GALK2: variants seen among roughly 807,000 people sequenced by gnomAD.
GALK2 encodes N-acetylgalactosamine kinase.
GALK2 carries 36 observed loss-of-function variants against 52.4 expected under a neutral mutation model. The observed-to-expected ratio is 0.69, with a 90% CI of 0.53 to 0.91. The LOEUF is 0.91. GALK2 is among the 40% of genes least tolerant of loss of function. The pLI is 0.00. For missense variants in GALK2, 579 were observed against 559.1 expected, an observed-to-expected ratio of 1.04 and a Z score of -0.36; for synonymous variants, 176 against 199.1, an observed-to-expected ratio of 0.88 and a Z score of 0.98.
At chr15:49,332,007 C>T (rs1297524936), downstream of GALK2, 27 of 599,394 alleles carry the variant, frequency 4.5e-5, no homozygotes, top group East Asian at 7.4e-4. Context: ...GAAGTAGGTA[C>T]TCCTATTATC....
intron 3 of GALK2, among the ~76,000 whole-genome samples, chr15:49,345,728 G>A (rs184290376): frequency 6.6e-6 from 1 of 152,304 alleles, no homozygotes; most frequent in African/African-American, 2.4e-5. Context: ...AACAGTGGTT[G>A]GGATGTAACA....
intron 1 of GALK2, among the ~76,000 whole-genome samples, chr15:49,179,751 C>G (rs1472700775): frequency 6.6e-6 from 1 of 150,382 alleles, no homozygotes; most frequent in African/African-American, 2.5e-5. Context: ...CCCCATTTAA[C>G]AGTATGATCT....
rs116754566 is a variant in GALK2, at chr15:49,199,394, G to A, written c.54-1768G>A. Among the ~76,000 whole-genome samples, 411 of 152,174 alleles carry A rather than the reference G, an allele frequency of 2.7e-3. 4 individuals carry two copies. The highest frequency in any genetic ancestry group is 9.7e-3 in the African/African-American group (401 of 41,504). On this transcript the variant is annotated intron_variant, in intron 1 of 9. Transcript: ENST00000560031. ...TTGTTTTGTTTTTTGAGGATGTATA[G>A]AGAAAGATTTAGGCAGCCGCATCTA... is the stretch of plus-strand genomic sequence containing the variant.
At chr15:49,194,093 C>G (rs1050763955) in intron 1 of GALK2, 1 of 151,976 alleles carries the variant, frequency 6.6e-6, no homozygotes, top group East Asian at 1.9e-4. Flanking sequence ...TTTGGGAGGC[C>G]GAGTGGGGGA....
intron 5 of GALK2, among the ~76,000 whole-genome samples, chr15:49,243,675 T>C (rs992671326): frequency 2.0e-5 from 3 of 151,926 alleles, no homozygotes; most frequent in Non-Finnish European, 4.4e-5. Context: ...GAGACAATGC[T>C]GAGAGCAGAA....
intron 1 of GALK2, among the ~76,000 whole-genome samples, chr15:49,159,148 G>T (rs1335082939): frequency 6.6e-6 from 1 of 152,076 alleles, no homozygotes; most frequent in Non-Finnish European, 1.5e-5. Flanking sequence ...TATTTTAGTG[G>T]CTGTGTAATA....
At chr15:49,276,657 T>C (rs919006436) in intron 5 of GALK2, among the ~76,000 whole-genome samples, 4 of 152,174 alleles carry the variant, frequency 2.6e-5, no homozygotes, top group African/African-American at 9.6e-5. Context: ...ATGAATAGAC[T>C]CACTCACATG....
intron 8 of GALK2, among the ~76,000 whole-genome samples, chr15:49,302,256 A>AT (rs1277839393): frequency 1.3e-5 from 2 of 152,040 alleles, no homozygotes; most frequent in African/African-American, 2.4e-5. Context: ...CTTGGCTCTA[A>AT]TTTTTTCTTG....
chr15:49,363,687 T>C (rs1437615909), intron 3 of GALK2, among the ~76,000 whole-genome samples: 1 of 152,194 alleles, frequency 6.6e-6, no homozygotes, highest in Admixed American at 6.5e-5. Context: ...AGAGTGGGTA[T>C]CCTTGTCTTG....
intron 2 of GALK2, among the ~76,000 whole-genome samples, chr15:49,211,249 G>T (rs529393038): frequency 6.6e-6 from 1 of 152,142 alleles, no homozygotes; most frequent in Non-Finnish European, 1.5e-5. Flanking sequence ...AATGCCTCCA[G>T]ACTCTTTGCT....
At chr15:49,246,016 T>TG (rs2091332843) in intron 5 of GALK2, among the ~76,000 whole-genome samples, 1 of 152,176 alleles carries the variant, frequency 6.6e-6, no homozygotes, top group South Asian at 2.1e-4. Flanking sequence ...GGTTTTAGGG[T>TG]GTAAATATGT....
In GALK2 at chr15:49,183,343, G is replaced by T. The variant is rs138997747; in HGVS notation, c.53+12968G>T. Among the ~76,000 whole-genome samples the T allele has an allele frequency of 1.5e-3, 224 of 152,144 alleles. 1 individual carries two copies. The highest frequency in any genetic ancestry group is 5.0e-3 in the African/African-American group (208 of 41,520). The stretch of plus-strand genomic sequence containing the variant: ...AGCATTCCATCACTGTAACCCAAAG[G>T]TTTTGCTGTGTTGTGTTTCCATTTT... On this transcript the variant is annotated intron_variant, in intron 1 of 9. Transcript: ENST00000560031.
At chr15:49,364,125 C>T (rs1264114193) in intron 3 of GALK2, among the ~76,000 whole-genome samples, 1 of 152,092 alleles carries the variant, frequency 6.6e-6, no homozygotes, top group Non-Finnish European at 1.5e-5. Flanking sequence ...TGATGCTGGC[C>T]TCAGAATGAG....
At chr15:49,324,078 T>C (rs1453600155) in intron 9 of GALK2, among the ~76,000 whole-genome samples, 1 of 152,202 alleles carries the variant, frequency 6.6e-6, no homozygotes, top group Admixed American at 6.5e-5. Context: ...TCACTATTGG[T>C]TCCCTCGTTT....
At chr15:49,227,882 C>T (rs910790857) in intron 3 of GALK2, among the ~76,000 whole-genome samples, 4 of 151,992 alleles carry the variant, frequency 2.6e-5, no homozygotes, top group Non-Finnish European at 5.9e-5. Context: ...ATAGTACTCC[C>T]TTAAGTATTG....
Position 49,345,815 on chromosome 15 carries a change from G to A in GALK2, c.427-21676G>A, listed in dbSNP as rs75947481. 1.1e-3 allele frequency among the ~76,000 whole-genome samples: 171 copies of A among 152,166 alleles called. 3 individuals carry two copies. In the East Asian group the frequency reaches 0.029, roughly 26 times the overall value. Reference sequence around the variant, plus strand: ...ATCACAGAATATTAGAGAAACAAAGGGTTTTGGAAATTGTAGGATCCAATT... The same window carrying A: ...ATCACAGAATATTAGAGAAACAAAGAGTTTTGGAAATTGTAGGATCCAATT... On this transcript the variant is annotated intron_variant, in intron 3 of 3. Coordinates refer to the GALK2 transcript ENST00000558399.
intron 8 of GALK2, among the ~76,000 whole-genome samples, chr15:49,295,724 G>A (rs2034417100): frequency 6.6e-6 from 1 of 151,920 alleles, no homozygotes; most frequent in Non-Finnish European, 1.5e-5. Context: ...CTTCCCTCTG[G>A]GCTTTTAATC....
At chr15:49,231,690 A>G (rs1375872908) in intron 3 of GALK2, among the ~76,000 whole-genome samples, 2 of 152,224 alleles carry the variant, frequency 1.3e-5, no homozygotes, top group African/African-American at 4.8e-5. Flanking sequence ...TCTTTTCCAA[A>G]AGGGAGAAAT....
chr15:49,221,880 T>A (rs2089822475), intron 3 of GALK2, among the ~76,000 whole-genome samples: 1 of 152,116 alleles, frequency 6.6e-6, no homozygotes, highest in Non-Finnish European at 1.5e-5. Flanking sequence ...GTGCTTTGGC[T>A]ATTTGGGCTC....
Sources: allele counts gnomAD v4.1 joint callset (sites outside exome capture counted in the v4.1 genomes callset), GRCh38; gene constraint gnomAD v4.1.1; transcripts MANE v1.5; gene names NCBI Gene and HGNC (gene_info 2026-07-23, HGNC 2026-07-21).